The following NR0B2 variants were observed in gnomAD, a reference collection of about 807,000 sequenced individuals.
NR0B2 encodes nuclear receptor subfamily 0 group B member 2.
A neutral mutation model predicts 18.9 loss-of-function variants in NR0B2; 17 were observed. The observed-to-expected ratio is 0.90, with a 90% CI of 0.62 to 1.35. The LOEUF (loss-of-function observed/expected upper bound fraction) is 1.35, where lower values mean the gene tolerates loss of function less well. Ranked by LOEUF, NR0B2 falls within the 40% of genes most tolerant of loss-of-function variation. The pLI is 0.00. For missense variants in NR0B2, 312 were observed against 333.3 expected (o/e 0.94, Z 0.50); for synonymous variants, 116 against 138.5 (o/e 0.84, Z 1.14).
rs868824769 is a variant in NR0B2, at chr1:26,911,606, G to A, written c.*239C>T. 2 of 554,138 alleles carry A rather than the reference G, an allele frequency of 3.6e-6. No individual in the cohort carries two copies. Among genetic ancestry groups the A allele is most frequent in the Non-Finnish European group, 6.5e-6 (2 of 306,334 alleles). The allele number at this position is 554,138 out of a possible 1,614,324, so 34.3% of individuals were successfully genotyped here. On this transcript the variant is annotated 3_prime_UTR_variant, in exon 2 of 2. Coordinates refer to ENST00000254227, the MANE Select transcript of NR0B2 (RefSeq NM_021969.3). ...TCATTCTCATCCCAAGAAGGGACAG[G>A]AGTCTTGGCCCAGAGGCTGTGGGGA... is the stretch of plus-strand genomic sequence containing the variant.
rs777140276 is a variant in NR0B2 at position 26,911,907 on chromosome 1, G to A, written c.712C>T (p.Arg238Cys). ...PTSLLGDLFF[R>C]PIIGDVDIAG... ...ATGTCAACATCTCCAATGATAGGGC[G>A]AAAGAAGAGGTCCCCAAGCAGGCTG... Residue 238 changes from arginine (R) to cysteine (C), a missense_variant, in exon 2 of 2, where the codon CGC (arginine) becomes TGC (cysteine). Arg to Cys is a radical substitution (Grantham distance 180). Transcript: ENST00000254227. The A allele has an allele frequency of 4.0e-5, 65 of 1,614,058 alleles. No individual in the cohort carries two copies. Among genetic ancestry groups the A allele is most frequent in the South Asian group, 3.6e-4 (33 of 91,084 alleles).
chr1:26,913,916 A>G lies in NR0B2; in HGVS notation c.25T>C (p.Cys9Arg). Residue 9 changes from cysteine (C) to arginine (R), a missense_variant, in exon 1 of 2, where the codon TGC (cysteine) becomes CGC (arginine). By Grantham distance (180) the Cys-to-Arg change is radical. Transcript: ENST00000254227. MSTSQPGA[C>R]PCQGAASRPA... ...CGGCTTGCAGCTCCCTGGCATGGGC[A>G]GGCCCCTGGTTGGCTGGTGCTCATG... The G allele has an allele frequency of 6.8e-7, 1 of 1,480,406 alleles. No homozygotes were observed. Among genetic ancestry groups the G allele is most frequent in the Admixed American group, 2.3e-5 (1 of 42,850 alleles). 91.7% of individuals were successfully genotyped at this position (1,480,406 alleles called of 1,614,324 possible). A position where few individuals can be genotyped will look rare whatever the true frequency, so the allele number is the denominator to read the frequency against.
At chr1:26,912,169 A>G (rs2082032067) in intron 1 of NR0B2, 83 bp from the exon 2 acceptor site, 10 of 1,554,538 alleles carry the variant, frequency 6.4e-6, no homozygotes, top group Non-Finnish European at 7.9e-6. Context: ...GATCTGGGCC[A>G]TCAGAGACAC....
At chr1:26,912,593 C>T (rs943427182) in intron 1 of NR0B2, among the ~76,000 whole-genome samples, 2 of 152,142 alleles carry the variant, frequency 1.3e-5, no homozygotes, top group Non-Finnish European at 2.9e-5. Flanking sequence ...CTGGGGAACT[C>T]TCATCTCAGA....
chr1:26,912,993 T>C (rs2124070232), intron 1 of NR0B2, among the ~76,000 whole-genome samples: 1 of 152,222 alleles, frequency 6.6e-6, no homozygotes, highest in African/African-American at 2.4e-5. Context: ...TTGATGAAAA[T>C]GAGGACTGGC....
chr1:26,912,874 G>A (rs956496056), intron 1 of NR0B2, among the ~76,000 whole-genome samples: 2 of 152,234 alleles, frequency 1.3e-5, no homozygotes, highest in Admixed American at 1.3e-4. Flanking sequence ...GCAAGGGCCA[G>A]TCTCTGGAGT....
Position 26,913,628 on chromosome 1 carries a change from C to T in NR0B2, c.313G>A (p.Val105Met). The part of the protein sequence containing the change: ...LFLLGLAQDA[V>M]TFEVAEAPVP... ...GGGGCCTCAGCCACCTCAAAGGTCA[C>T]AGCATCTTGGGCCAACCCAAGCAGG... Residue 105 changes from valine to methionine, a missense_variant, in exon 1 of 2, where the codon GTG becomes ATG. Physicochemically the swap from Val to Met is conservative, Grantham distance 21 (BLOSUM62 1). Transcript: ENST00000254227. 1 of 1,614,042 alleles carries T rather than the reference C, an allele frequency of 6.2e-7. No individual in the cohort carries two copies. Among genetic ancestry groups the T allele is most frequent in the South Asian group, 1.1e-5 (1 of 91,086 alleles).
At position 26,913,898 on chromosome 1, in the gene NR0B2, C is replaced by T; in HGVS notation, c.43G>A (p.Ala15Thr). 1.3e-6 allele frequency: 2 copies of T among 1,483,870 alleles called. No homozygotes were observed. Among genetic ancestry groups the T allele is most frequent in the African/African-American group, 1.4e-5 (1 of 71,330 alleles). 91.9% of individuals were successfully genotyped at this position (1,483,870 alleles called of 1,614,324 possible). The change falls in exon 1 of 2, where the codon GCA (alanine) becomes ACA (threonine). Residue 15 changes from alanine to threonine, a missense_variant. Coordinates refer to ENST00000254227, the MANE Select transcript of NR0B2 (RefSeq NM_021969.3). The stretch of plus-strand genomic sequence containing the variant: ...GCGTAGAGAATGGCGGGGCGGCTTG[C>T]AGCTCCCTGGCATGGGCAGGCCCCT... ...QPGACPCQGA[A>T]SRPAILYALL...
chr1:26,913,667 A>G lies in NR0B2; in HGVS notation c.274T>C (p.Trp92Arg), dbSNP rs1231537055. 6.2e-7 allele frequency: 1 copy of G among 1,613,680 alleles called. No individual in the cohort carries two copies. Among genetic ancestry groups the G allele is most frequent in the Admixed American group, 1.7e-5 (1 of 60,008 alleles). Residue 92 changes from tryptophan to arginine, a missense_variant, in exon 1 of 2, where the codon TGG (tryptophan) becomes CGG (arginine). By Grantham distance (101) the Trp-to-Arg change is moderately radical. Transcript: ENST00000254227. ...QDQRRLLQGC[W>R]GPLFLLGLAQ... ...AACCCAAGCAGGAAGAGGGGGCCCC[A>G]GCAACCCTGCAGCAGCCGCCGCTGG...
At position 26,911,686 on chromosome 1, in the gene NR0B2, A is replaced by G. The variant is rs1444080440; in HGVS notation, c.*159T>C. 2.4e-6 allele frequency: 2 copies of G among 837,158 alleles called. No individual in the cohort carries two copies. The highest frequency in any genetic ancestry group is 3.9e-6 in the Non-Finnish European group (2 of 508,196). 51.9% of individuals were successfully genotyped at this position (837,158 alleles called of 1,614,324 possible). ...ACTGTGTCCAAACCAAGGAAGTCCA[A>G]TGTGGGGTGTGGCTGAGTGAAGAGC... is the stretch of plus-strand genomic sequence containing the variant. On this transcript the variant is annotated 3_prime_UTR_variant, in exon 2 of 2. Coordinates refer to ENST00000254227, the MANE Select transcript of NR0B2 (RefSeq NM_021969.3).
At chr1:26,912,174 A>C in intron 1 of NR0B2, 88 bp from the exon 2 acceptor site, 1 of 1,535,850 alleles carries the variant, frequency 6.5e-7, no homozygotes, top group South Asian at 1.2e-5. Flanking sequence ...GGGCCATCAG[A>C]GACACCCCTC....
rs2082046166 is a variant in NR0B2 at position 26,913,890 on chromosome 1, G to A, written c.51C>T (p.Arg17=). The change falls in exon 1 of 2, where the codon CGC becomes CGT. Residue 17 remains arginine, a synonymous_variant. Coordinates refer to ENST00000254227, the MANE Select transcript of NR0B2 (RefSeq NM_021969.3). ...GACPCQGAAS[R]PAILYALLSS... ...TCAGAAGTGCGTAGAGAATGGCGGG[G>A]CGGCTTGCAGCTCCCTGGCATGGGC... 6.7e-7 allele frequency: 1 copy of A among 1,486,720 alleles called. No individual in the cohort carries two copies. Among genetic ancestry groups the A allele is most frequent in the Non-Finnish European group, 9.0e-7 (1 of 1,116,498 alleles). 92.1% of individuals were successfully genotyped at this position (1,486,720 alleles called of 1,614,324 possible). A position where few individuals can be genotyped will look rare whatever the true frequency, so the allele number is the denominator to read the frequency against.
Position 26,912,076 on chromosome 1 carries a change from G to A in NR0B2, c.543C>T (p.Gly181=), listed in dbSNP as rs759521827. Residue 181 remains glycine, a synonymous_variant, in exon 2 of 2, where the codon GGC becomes GGT. Transcript: ENST00000254227. ...GTILFNPDVP[G]LQAASHIGHL... is the part of the protein sequence containing the mutation. The stretch of plus-strand genomic sequence containing the variant: ...GCCCAATGTGGGAGGCGGCTTGGAG[G>A]CCTGGCACATCTGTGGGCAGAGAGG... The A allele has an allele frequency of 6.2e-7, 1 of 1,613,702 alleles. No individual in the cohort carries two copies. Among genetic ancestry groups the A allele is most frequent in the Non-Finnish European group, 8.5e-7 (1 of 1,180,020 alleles).
Position 26,911,496 on chromosome 1 carries a change from A to C in NR0B2, c.*349T>G. 2.8e-6 allele frequency: 1 copy of C among 352,134 alleles called. No individual in the cohort carries two copies. The highest frequency in any genetic ancestry group is 5.5e-6 in the Non-Finnish European group (1 of 180,470). The allele number at this position is 352,134 out of a possible 1,614,324, so 21.8% of individuals were successfully genotyped here. On this transcript the variant is annotated 3_prime_UTR_variant, in exon 2 of 2. Transcript: ENST00000254227. ...GACAGTATCAGGCTCCAAGTGTTTCATACCTTTTATTACAAAAATCAATAA... is the reference window on the plus strand; with the variant it reads ...GACAGTATCAGGCTCCAAGTGTTTCCTACCTTTTATTACAAAAATCAATAA...
Position 26,913,901 on chromosome 1 carries a change from C to T in NR0B2, c.40G>A (p.Ala14Thr), listed in dbSNP as rs763308230. 6.7e-7 allele frequency: 1 copy of T among 1,483,092 alleles called. No individual in the cohort carries two copies. Among genetic ancestry groups the T allele is most frequent in the South Asian group, 1.5e-5 (1 of 65,828 alleles). The allele number at this position is 1,483,092 out of a possible 1,614,324, so 91.9% of individuals were successfully genotyped here. ...SQPGACPCQG[A>T]ASRPAILYAL... Reference sequence around the variant, plus strand: ...TAGAGAATGGCGGGGCGGCTTGCAGCTCCCTGGCATGGGCAGGCCCCTGGT... The same window carrying T: ...TAGAGAATGGCGGGGCGGCTTGCAGTTCCCTGGCATGGGCAGGCCCCTGGT... Residue 14 changes from alanine to threonine, a missense_variant, in exon 1 of 2, where the codon GCT becomes ACT. By Grantham distance (58) the Ala-to-Thr change is moderately conservative. Coordinates refer to ENST00000254227, the MANE Select transcript of NR0B2 (RefSeq NM_021969.3).
Position 26,911,589 on chromosome 1 carries a change from A to G in NR0B2, c.*256T>C. 1 of 522,700 alleles carries G rather than the reference A, an allele frequency of 1.9e-6. No homozygotes were observed. The allele number at this position is 522,700 out of a possible 1,614,324, so 32.4% of individuals were successfully genotyped here. On this transcript the variant is annotated 3_prime_UTR_variant, in exon 2 of 2. Transcript: ENST00000254227. ...ATAAGCAGCCTAAGCTTTCATTCTC[A>G]TCCCAAGAAGGGACAGGAGTCTTGG... is the stretch of plus-strand genomic sequence containing the variant.
chr1:26,913,472 A>G lies in NR0B2; in HGVS notation c.469T>C (p.Trp157Arg). The G allele has an allele frequency of 6.2e-7, 1 of 1,614,090 alleles. No homozygotes were observed. ...TCCTTGGGGCTAAGCTCCAGGCTCC[A>G]GAAGGACTCCAGACAGCATTGAAGC... is the stretch of plus-strand genomic sequence containing the variant. The part of the protein sequence containing the change: ...QWLQCCLESF[W>R]SLELSPKEYA... The change falls in exon 1 of 2, where the codon TGG becomes CGG. Residue 157 changes from tryptophan (W) to arginine (R), a missense_variant. Transcript: ENST00000254227.
chr1:26,913,144 G>A (rs1266589583), intron 1 of NR0B2, among the ~76,000 whole-genome samples: 1 of 152,088 alleles, frequency 6.6e-6, no homozygotes, highest in Non-Finnish European at 1.5e-5. Context: ...AAATTAGCCG[G>A]GAGTGGTGGC....
chr1:26,913,154 C>T (rs780487361), intron 1 of NR0B2, among the ~76,000 whole-genome samples: 19 of 152,146 alleles, frequency 1.2e-4, no homozygotes, highest in Admixed American at 2.6e-4. Flanking sequence ...GGAGTGGTGG[C>T]GGCCATCTGT....
Sources: gnomAD v4.1 joint callset for allele counts (sites outside exome capture counted in the v4.1 genomes callset) on GRCh38, gnomAD v4.1.1 for gene constraint, MANE v1.5 for transcripts, NCBI Gene and HGNC (gene_info 2026-07-23, HGNC 2026-07-21) for gene names.